Variants in TCAIM observed in about 807,000 individuals in gnomAD.
TCAIM encodes the protein T-cell activation inhibitor, mitochondrial.
Under a neutral mutation model 58.6 loss-of-function variants are expected in TCAIM, and 36 were observed. That is an observed-to-expected ratio of 0.61 (90% CI 0.47 to 0.81). The LOEUF (loss-of-function observed/expected upper bound fraction) is 0.81. TCAIM is among the 30% of genes least tolerant of loss of function. The pLI is 0.00. For missense variants in TCAIM, 466 were observed against 579.6 expected (o/e 0.80, Z 2.01); for synonymous variants, 172 against 193.6 (o/e 0.89, Z 0.93).
Position 44,407,658 on chromosome 3 carries a change from G to A in TCAIM, c.1467G>A (p.Trp489Ter), listed in dbSNP as rs766874661. The change falls in exon 11 of 11, where the codon TGG (tryptophan) becomes TGA (stop). Residue 489 changes from tryptophan (W) to a stop codon, truncating the protein, a stop_gained. Transcript: ENST00000342649. LOFTEE classifies it high-confidence loss of function. ...GAGACCTTTGTATTCCTTGGAATTG[G>A]AAGAATGGAGAAGCCATTAAGTAAC... ...QDGDLCIPWNWKNGEAIK is the reference protein window; with the variant it reads ...QDGDLCIPWN 1 of 1,603,458 alleles carries A rather than the reference G, an allele frequency of 6.2e-7. No homozygotes were observed. The highest frequency in any genetic ancestry group is 2.2e-5 in the East Asian group (1 of 44,720).
intron 2 of TCAIM, among the ~76,000 whole-genome samples, chr3:44,357,063 C>T (rs914080647): frequency 2.0e-5 from 3 of 151,994 alleles, no homozygotes; most frequent in African/African-American, 7.3e-5. Flanking sequence ...TAAAAGACAT[C>T]TGTATCTCTT....
chr3:44,358,201 C>CTCT lies in TCAIM; in HGVS notation c.165+326_165+327insCTT. The CTCT allele has an allele frequency of 3.3e-6, 4 of 1,226,220 alleles. No homozygotes were observed. The African/African-American group carries it at 4.7e-5, about 15-fold the overall frequency. 76.0% of individuals were successfully genotyped at this position (1,226,220 alleles called of 1,614,324 possible). On this transcript the variant is annotated intron_variant, in intron 3 of 10. Transcript: ENST00000342649. ...TTATTATCATGATCAATCTCTCTCT[C>CTCT]TTTTTTTTTTTTAAGGATGATACAT...
rs373110166 is a variant in TCAIM at position 44,341,003 on chromosome 3, G to A, written c.-45+2169G>A. 1.1e-4 allele frequency: 17 copies of A among 152,214 alleles called. No individual in the cohort carries two copies. In the South Asian group the frequency reaches 2.5e-3, roughly 22 times the overall value. 9.4% of individuals were successfully genotyped at this position (152,214 alleles called of 1,614,324 possible). A position where few individuals can be genotyped will look rare whatever the true frequency, so the allele number is the denominator to read the frequency against. On this transcript the variant is annotated intron_variant, in intron 1 of 10. Transcript: ENST00000342649. ...TCATTCTTATTCTTAAACAGAACGA[G>A]AAAATATATTTTTAATTTTTTCCAA...
intron 1 of TCAIM, among the ~76,000 whole-genome samples, chr3:44,349,823 A>G (rs541842703): frequency 6.6e-6 from 1 of 152,138 alleles, no homozygotes; most frequent in Non-Finnish European, 1.5e-5. Context: ...TTGAAAGGAG[A>G]AAGAAGTTGA....
intron 5 of TCAIM, among the ~76,000 whole-genome samples, chr3:44,385,133 G>T (rs182130728): frequency 1.5e-4 from 23 of 152,292 alleles, no homozygotes; most frequent in African/African-American, 5.3e-4. Flanking sequence ...GATTACTTAC[G>T]ATTGTCACTA....
intron 3 of TCAIM, among the ~76,000 whole-genome samples, chr3:44,360,448 T>A (rs1427113829): frequency 6.6e-6 from 1 of 152,028 alleles, no homozygotes; most frequent in South Asian, 2.1e-4. Context: ...TTGGGTTTTT[T>A]AAAAAATCCT....
At chr3:44,367,833 T>C in intron 5 of TCAIM, 125 bp downstream of exon 5, 2 of 981,462 alleles carry the variant, frequency 2.0e-6, no homozygotes, top group South Asian at 4.4e-5. Flanking sequence ...AATTAAAACC[T>C]AATTTTCCAG....
intron 4 of TCAIM, among the ~76,000 whole-genome samples, chr3:44,365,160 C>G (rs1214566231): frequency 1.3e-5 from 2 of 152,120 alleles, no homozygotes; most frequent in Non-Finnish European, 2.9e-5. Flanking sequence ...TCCTTTCCTC[C>G]TTTACTGACT....
intron 1 of TCAIM, among the ~76,000 whole-genome samples, chr3:44,347,847 G>A (rs1424418236): frequency 6.6e-6 from 1 of 152,108 alleles, no homozygotes; most frequent in Non-Finnish European, 1.5e-5. Flanking sequence ...CAAGAAGGGA[G>A]TAGAGGTGTC....
intron 4 of TCAIM, among the ~76,000 whole-genome samples, chr3:44,366,836 A>G (rs1701385874): frequency 6.6e-6 from 1 of 152,058 alleles, no homozygotes; most frequent in Non-Finnish European, 1.5e-5. Flanking sequence ...TCCTGAGTTC[A>G]TAATCCACCC....
chr3:44,367,138 A>C (rs1701392816), intron 4 of TCAIM, among the ~76,000 whole-genome samples: 1 of 152,186 alleles, frequency 6.6e-6, no homozygotes, highest in South Asian at 2.1e-4. Flanking sequence ...TATCGACAGA[A>C]TTGAGAATAT....
intron 1 of TCAIM, 42 bp downstream of exon 1, chr3:44,338,876 C>T (rs561249285): frequency 6.6e-6 from 1 of 152,368 alleles, no homozygotes; most frequent in East Asian, 1.9e-4. Flanking sequence ...TGCATTCATG[C>T]TCCTCTAGGG....
At chr3:44,361,220 T>A (rs1307738229) in intron 3 of TCAIM, 145 bp from the exon 4 acceptor site, 1 of 662,046 alleles carries the variant, frequency 1.5e-6, no homozygotes, top group Non-Finnish European at 2.3e-6. Flanking sequence ...CAATTTTATC[T>A]TTTACCAAAG....
At chr3:44,386,060 G>C (rs1261939143) in intron 5 of TCAIM, among the ~76,000 whole-genome samples, 1 of 150,906 alleles carries the variant, frequency 6.6e-6, no homozygotes, top group Non-Finnish European at 1.5e-5. Context: ...AAATTTGCAG[G>C]AATAGGGCCA....
chr3:44,370,864 T>C (rs1040984729), intron 5 of TCAIM, among the ~76,000 whole-genome samples: 3 of 150,614 alleles, frequency 2.0e-5, no homozygotes, highest in African/African-American at 7.3e-5. Context: ...GCCTCAGCCT[T>C]TGGAGTAGCT....
chr3:44,369,244 A>G (rs574761971), intron 5 of TCAIM, among the ~76,000 whole-genome samples: 34 of 152,252 alleles, frequency 2.2e-4, no homozygotes, highest in Non-Finnish European at 4.6e-4. Context: ...TTCTGCTTAC[A>G]CCCGCGGGAG....
At chr3:44,396,912 A>G in intron 8 of TCAIM, 78 bp downstream of exon 8, 1 of 1,396,618 alleles carries the variant, frequency 7.2e-7, no homozygotes, top group Non-Finnish European at 9.9e-7. Flanking sequence ...ATGTTAAGGG[A>G]CTAAAAAAAG....
chr3:44,389,729 A>T (rs998000537), intron 5 of TCAIM, among the ~76,000 whole-genome samples: 1 of 143,674 alleles, frequency 7.0e-6, no homozygotes, highest in Non-Finnish European at 1.5e-5. Flanking sequence ...ATTAATTGCT[A>T]TGCAAAGTCA....
intron 1 of TCAIM, among the ~76,000 whole-genome samples, chr3:44,353,068 G>T (rs905253451): frequency 6.6e-6 from 1 of 151,378 alleles, no homozygotes; most frequent in Non-Finnish European, 1.5e-5. Context: ...GATTACAGGC[G>T]CCCACCACAC....
Sources: gnomAD v4.1 joint callset for allele counts (sites outside exome capture counted in the v4.1 genomes callset) on GRCh38, gnomAD v4.1.1 for gene constraint, MANE v1.5 for transcripts, NCBI Gene and HGNC (gene_info 2026-07-23, HGNC 2026-07-21) for gene names.